FCRL3: variants seen among roughly 807,000 people sequenced by gnomAD.
FCRL3 encodes Fc receptor like 3, also known as Fc receptor-like protein 3.
FCRL3 carries 89 observed loss-of-function variants against 75.0 expected under a neutral mutation model. That is an observed-to-expected ratio of 1.19 (90% confidence interval 1.00 to 1.42). The LOEUF is 1.42. Among genes scored for constraint, FCRL3 ranks in the 40% most tolerant of loss-of-function variants. The probability of loss-of-function intolerance (pLI) is 0.00; values close to 1 mark genes in which losing one functional copy is unlikely to be tolerated. For synonymous variants in FCRL3, 376 were observed against 348.5 expected (o/e 1.08, Z -0.88); for missense variants, 946 against 880.0 (o/e 1.07, Z -0.95).
At position 157,699,833 on chromosome 1, in the gene FCRL3, G is replaced by A. The variant is rs578140059; in HGVS notation, c.32-121C>T. 31 of 1,067,924 alleles carry A rather than the reference G, an allele frequency of 2.9e-5. No homozygotes were observed. In the African/African-American group the frequency reaches 4.1e-4, roughly 14 times the overall value. The allele number at this position is 1,067,924 out of a possible 1,614,324, so 66.2% of individuals were successfully genotyped here. On this transcript the variant is annotated intron_variant, in intron 2 of 14. Transcript: ENST00000368184. ...TTGCTCCCTTTTTATATCATCCAGA[G>A]CCCCTAAACAACAAAGAAAATGTCA...
chr1:157,677,710 A>G lies in FCRL3; in HGVS notation c.*1000T>C. ...CAATATGGATGAATCTTAGAAATAC[A>G]ACATGAAGAGAAAGTACTAAAAAAA... On this transcript the variant is annotated 3_prime_UTR_variant, in exon 15 of 15. Coordinates refer to ENST00000368184, the MANE Select transcript of FCRL3 (RefSeq NM_052939.4). The G allele has an allele frequency of 1.4e-6, 1 of 713,790 alleles. No individual in the cohort carries two copies. Among genetic ancestry groups the G allele is most frequent in the South Asian group, 6.3e-5 (1 of 15,794 alleles). 44.2% of individuals were successfully genotyped at this position (713,790 alleles called of 1,614,324 possible). A position where few individuals can be genotyped will look rare whatever the true frequency, so the allele number is the denominator to read the frequency against.
chr1:157,677,065 G>A lies in FCRL3; in HGVS notation c.*1645C>T. On this transcript the variant is annotated 3_prime_UTR_variant, in exon 15 of 15. Transcript: ENST00000368184. ...TGAACTGGCAGAGATCAGCATCTCA[G>A]TACGGGCAGGACATCATGCCCTGCA... The A allele has an allele frequency of 2.5e-6, 3 of 1,180,548 alleles. No individual in the cohort carries two copies. The highest frequency in any genetic ancestry group is 3.2e-6 in the Non-Finnish European group (3 of 941,216). The allele number at this position is 1,180,548 out of a possible 1,614,324, so 73.1% of individuals were successfully genotyped here.
intron 5 of FCRL3, 28 bp downstream of exon 5, chr1:157,697,631 C>T (rs377255532): frequency 6.3e-7 from 1 of 1,598,070 alleles, no homozygotes; most frequent in African/African-American, 1.3e-5. Context: ...CTAACAAACC[C>T]AGTAATCCAC....
Position 157,676,563 on chromosome 1 carries a change from T to A in FCRL3, c.*2147A>T, listed in dbSNP as rs1473010836. On this transcript the variant is annotated 3_prime_UTR_variant, in exon 15 of 15. Transcript: ENST00000368184. ...TTTCTGGGCTATGGGTTTTTAGTTG[T>A]GAATTCAAAGATAAAAGTCAAGTAG... is the stretch of plus-strand genomic sequence containing the variant. The A allele has an allele frequency of 4.3e-6, 3 of 703,630 alleles. No individual in the cohort carries two copies. The highest frequency in any genetic ancestry group is 6.8e-6 in the Non-Finnish European group (3 of 441,994). The allele number at this position is 703,630 out of a possible 1,614,324, so 43.6% of individuals were successfully genotyped here. A position where few individuals can be genotyped will look rare whatever the true frequency, so the allele number is the denominator to read the frequency against.
chr1:157,690,912 A>G (rs912054135), intron 8 of FCRL3, among the ~76,000 whole-genome samples: 15 of 152,242 alleles, frequency 9.9e-5, no homozygotes, highest in African/African-American at 3.1e-4. Context: ...AGACTTCCAT[A>G]CCTATCTAAA....
At chr1:157,694,667 G>C (rs562253836) in intron 8 of FCRL3, among the ~76,000 whole-genome samples, 5 of 152,242 alleles carry the variant, frequency 3.3e-5, no homozygotes, top group African/African-American at 1.2e-4. Context: ...GTTCTTAGGG[G>C]CTGGACATGG....
chr1:157,683,142 A>T, intron 11 of FCRL3, 75 bp downstream of exon 11: 1 of 1,530,806 alleles, frequency 6.5e-7, no homozygotes, highest in Admixed American at 2.1e-5. Context: ...TGAAATTTAA[A>T]AAAAAACATA....
At chr1:157,688,228 T>C (rs1277123338) in intron 10 of FCRL3, among the ~76,000 whole-genome samples, 2 of 152,026 alleles carry the variant, frequency 1.3e-5, no homozygotes, top group Non-Finnish European at 2.9e-5. Flanking sequence ...GGGGTACAAA[T>C]AGGCTAAAAG....
chr1:157,687,598 C>T lies in FCRL3; in HGVS notation c.1810+2200G>A, dbSNP rs186735095. Among the ~76,000 whole-genome samples the T allele has an allele frequency of 5.5e-3, 821 of 149,610 alleles. 7 individuals carry two copies. Among genetic ancestry groups the T allele is most frequent in the African/African-American group, 0.019 (776 of 40,672 alleles). On this transcript the variant is annotated intron_variant, in intron 10 of 14. Transcript: ENST00000368184. ...GGTACATATACACCATGGAATACTA[C>T]GCAGACATAAAAAAATGAAATCATG...
At position 157,696,147 on chromosome 1, in the gene FCRL3, T is replaced by C; in HGVS notation, c.1025A>G (p.Glu342Gly). ...CTCCTTCACGGTGAGAACATGCAGC[T>C]CTGCCAACAGGGAACGCTGGGTCTT... The part of the protein sequence containing the change: ...GRKTQRSLLA[E>G]LHVLTVKESD... The change falls in exon 7 of 15, where the codon GAG becomes GGG. Residue 342 changes from glutamate (E) to glycine (G), a missense_variant. By Grantham distance (98) the Glu-to-Gly change is moderately conservative (BLOSUM62 -2). Transcript: ENST00000368184. 1 of 1,614,004 alleles carries C rather than the reference T, an allele frequency of 6.2e-7. No homozygotes were observed. The highest frequency in any genetic ancestry group is 8.5e-7 in the Non-Finnish European group (1 of 1,180,002).
In FCRL3 at chr1:157,683,242, C is replaced by T. The variant is rs1224838454; in HGVS notation, c.1813G>A (p.Gly605Arg). ...CTAGATGTTCCAGTGGCAGAAAGTC[C>T]TCCTGCAAAACAAACAAAGGAAGGT... The part of the protein sequence containing the change: ...HYARARRKPG[G>R]LSATGTSSHS... The change falls in exon 11 of 15, where the codon GGA becomes AGA. Residue 605 changes from glycine to arginine, a missense_variant and splice_region_variant. Physicochemically the swap from Gly to Arg is moderately radical, Grantham distance 125. Transcript: ENST00000368184. 2 of 1,613,262 alleles carry T rather than the reference C, an allele frequency of 1.2e-6. No homozygotes were observed. The highest frequency in any genetic ancestry group is 1.7e-5 in the Admixed American group (1 of 59,856).
At chr1:157,683,383 C>G in intron 10 of FCRL3, 139 bp from the exon 11 acceptor site, 1 of 996,776 alleles carries the variant, frequency 1.0e-6, no homozygotes, top group Non-Finnish European at 1.5e-6. Flanking sequence ...CAGCTCCACC[C>G]TCCTTACTCC....
At position 157,696,032 on chromosome 1, in the gene FCRL3, G is replaced by A; in HGVS notation, c.1132+8C>T. The A allele has an allele frequency of 6.2e-7, 1 of 1,604,862 alleles. No individual in the cohort carries two copies. Among genetic ancestry groups the A allele is most frequent in the Non-Finnish European group, 8.5e-7 (1 of 1,175,462 alleles). ...ACTCGAGGCTGTGTGAAAGGAATCG[G>A]AACTTACTTCTCACGGTGACTCGAA... On this transcript the variant is annotated splice_region_variant and intron_variant, in intron 7 of 14. Coordinates refer to ENST00000368184, the MANE Select transcript of FCRL3 (RefSeq NM_052939.4).
chr1:157,695,835 G>A, intron 7 of FCRL3: 1 of 697,046 alleles, frequency 1.4e-6, no homozygotes, highest in South Asian at 2.1e-5. Flanking sequence ...AAGAAGTAAG[G>A]TGCTTCAACT....
Position 157,689,920 on chromosome 1 carries a change from G to A in FCRL3, c.1691-3C>T. ...GCCTGTTCTGTTCCTGGAAGTTCCTGAGTGGAGGGAGCTGTACTTGAGTTT... is the reference window on the plus strand; with the variant it reads ...GCCTGTTCTGTTCCTGGAAGTTCCTAAGTGGAGGGAGCTGTACTTGAGTTT... On this transcript the variant is annotated splice_region_variant and splice_polypyrimidine_tract_variant and intron_variant, in intron 9 of 14. Coordinates refer to ENST00000368184, the MANE Select transcript of FCRL3 (RefSeq NM_052939.4). 1 of 1,614,136 alleles carries A rather than the reference G, an allele frequency of 6.2e-7. No homozygotes were observed. Among genetic ancestry groups the A allele is most frequent in the South Asian group, 1.1e-5 (1 of 91,076 alleles).
rs1219043131 is a variant in FCRL3, at chr1:157,697,645, A to G, written c.559+14T>C. The G allele has an allele frequency of 1.2e-6, 2 of 1,608,788 alleles. No individual in the cohort carries two copies. Among genetic ancestry groups the G allele is most frequent in the African/African-American group, 1.3e-5 (1 of 74,710 alleles). ...CCTAACAAACCCAGTAATCCACAGG[A>G]ATCTAGCCATTACCTTGAACTTGGA... On this transcript the variant is annotated intron_variant, in intron 5 of 14. Coordinates refer to ENST00000368184, the MANE Select transcript of FCRL3 (RefSeq NM_052939.4).
Position 157,677,069 on chromosome 1 carries a change from G to A in FCRL3, c.*1641C>T, listed in dbSNP as rs543972442. On this transcript the variant is annotated 3_prime_UTR_variant, in exon 15 of 15. Coordinates refer to ENST00000368184, the MANE Select transcript of FCRL3 (RefSeq NM_052939.4). The stretch of plus-strand genomic sequence containing the variant: ...CTGGCAGAGATCAGCATCTCAGTAC[G>A]GGCAGGACATCATGCCCTGCACTCA... The A allele has an allele frequency of 5.1e-5, 59 of 1,166,974 alleles. 1 individual carries two copies. In the South Asian group the frequency reaches 7.5e-4, roughly 15 times the overall value. The allele number at this position is 1,166,974 out of a possible 1,614,324, so 72.3% of individuals were successfully genotyped here.
chr1:157,678,595 C>A lies in FCRL3; in HGVS notation c.*115G>T. ...AGACCTTTTGCTCAGCCTCACATAC[C>A]CTGCAGCCCAGCCTCGTAGGAGGCA... On this transcript the variant is annotated 3_prime_UTR_variant, in exon 15 of 15. Transcript: ENST00000368184. 6.5e-7 allele frequency: 1 copy of A among 1,538,752 alleles called. No homozygotes were observed. The highest frequency in any genetic ancestry group is 1.3e-5 in the South Asian group (1 of 78,796).
chr1:157,679,170 T>C (rs1654659070), intron 13 of FCRL3, 197 bp from the exon 14 acceptor site: 5 of 640,186 alleles, frequency 7.8e-6, no homozygotes, highest in Non-Finnish European at 1.4e-5. Context: ...CTCTTGACTG[T>C]TTCCTCTGTT....
Sources: gnomAD v4.1 joint callset for allele counts (sites outside exome capture counted in the v4.1 genomes callset) on GRCh38, gnomAD v4.1.1 for gene constraint, MANE v1.5 for transcripts, NCBI Gene and HGNC (gene_info 2026-07-23, HGNC 2026-07-21) for gene names.